The following AP3B1 variants were observed in gnomAD, a reference collection of about 807,000 sequenced individuals.
AP3B1 encodes the protein adaptor related protein complex 3 subunit beta 1, also known as AP-3 complex subunit beta-1.
Under a neutral mutation model 132.5 loss-of-function variants are expected in AP3B1, and 61 were observed. The ratio of observed to expected loss-of-function variants is 0.46; its 90% CI spans 0.37 to 0.57. AP3B1 has a LOEUF of 0.57. Ranked by LOEUF, AP3B1 falls within the 20% of genes least tolerant of loss-of-function variation. AP3B1 has a pLI of 0.00. For synonymous variants in AP3B1, 388 were observed against 438.3 expected, an observed-to-expected ratio of 0.89 and a Z score of 1.43; for missense variants, 1,120 against 1,289.4, an observed-to-expected ratio of 0.87 and a Z score of 2.01.
intron 26 of AP3B1, among the ~76,000 whole-genome samples, chr5:78,010,826 T>C (rs184996294): frequency 6.6e-6 from 1 of 152,280 alleles, no homozygotes; most frequent in Admixed American, 6.5e-5. Flanking sequence ...TTTACTAGTA[T>C]TGTCTTAAGT....
In AP3B1 at chr5:78,175,802, A is replaced by G. The variant is rs1356038305; in HGVS notation, c.1077T>C (p.Thr359=). The G allele has an allele frequency of 1.2e-6, 2 of 1,612,262 alleles. No individual in the cohort carries two copies. The highest frequency in any genetic ancestry group is 1.7e-6 in the Non-Finnish European group (2 of 1,179,248). ...TACATACCTTTCTTTGAATTGACAT[A>G]GTTGCTATATTTTGTAGGACAATAT... ...VQYIVLQNIA[T]MSIQRKGMFE... Residue 359 remains threonine, a synonymous_variant, in exon 10 of 27, where the codon ACT becomes ACC. Coordinates refer to ENST00000255194, the MANE Select transcript of AP3B1 (RefSeq NM_003664.5).
At chr5:78,230,879 A>C (rs34125774) in intron 3 of AP3B1, among the ~76,000 whole-genome samples, 50,702 of 151,946 alleles carry the variant, frequency 0.33, 8,563 homozygotes, top group Middle Eastern at 0.43. Flanking sequence ...GCACTTTGGG[A>C]GGCTGAGACG....
chr5:78,154,603 AT>A (rs1170118642), intron 14 of AP3B1, among the ~76,000 whole-genome samples: 1 of 151,656 alleles, frequency 6.6e-6, no homozygotes, highest in East Asian at 1.9e-4. Flanking sequence ...TTTTGAGACT[AT>A]TTTCTAGATC....
In AP3B1 at chr5:78,020,697, T is replaced by G. The variant is rs746992047; in HGVS notation, c.2987A>C (p.Glu996Ala). The G allele has an allele frequency of 1.2e-6, 2 of 1,609,964 alleles. No homozygotes were observed. The highest frequency in any genetic ancestry group is 2.2e-5 in the South Asian group (2 of 90,994). ...AAGTTGTAGACATCTCTCACCTTGCTCTTTCTTAAAATCTTTCTCTGACAT... is the reference window on the plus strand; with the variant it reads ...AAGTTGTAGACATCTCTCACCTTGCGCTTTCTTAAAATCTTTCTCTGACAT... ...VAMSEKDFKKEQGVLTGMNET... is the reference protein window; with the variant it reads ...VAMSEKDFKKAQGVLTGMNET... The change falls in exon 25 of 27, where the codon GAG becomes GCG. Residue 996 changes from glutamate to alanine, a missense_variant. Transcript: ENST00000255194.
At chr5:78,166,160 C>A in intron 11 of AP3B1, among the ~76,000 whole-genome samples, 1 of 98,614 alleles carries the variant, frequency 1.0e-5, no homozygotes, top group Non-Finnish European at 2.4e-5. Flanking sequence ...CACACACACA[C>A]ACACACACAC....
intron 13 of AP3B1, among the ~76,000 whole-genome samples, chr5:78,158,640 C>T (rs955838571): frequency 2.6e-5 from 4 of 151,668 alleles, no homozygotes; most frequent in Non-Finnish European, 5.9e-5. Flanking sequence ...AGAATTCAAA[C>T]TCAGAACTAG....
At position 78,165,469 on chromosome 5, in the gene AP3B1, A is replaced by T. The variant is rs142691456; in HGVS notation, c.1230+141T>A. ...AATTGTAATTAGTTTATTCTTGCAAATTTATGAATTTCTTAGTTGTCAGTC... is the reference window on the plus strand; with the variant it reads ...AATTGTAATTAGTTTATTCTTGCAATTTTATGAATTTCTTAGTTGTCAGTC... On this transcript the variant is annotated intron_variant, in intron 12 of 26. Transcript: ENST00000255194. 220 of 643,526 alleles carry T rather than the reference A, an allele frequency of 3.4e-4. 3 individuals are homozygous for T. The African/African-American group carries it at 3.8e-3, about 11-fold the overall frequency. The allele number at this position is 643,526 out of a possible 1,614,324, so 39.9% of individuals were successfully genotyped here. A position where few individuals can be genotyped will look rare whatever the true frequency, so the allele number is the denominator to read the frequency against.
At chr5:78,211,679 G>T (rs1459652472) in intron 7 of AP3B1, among the ~76,000 whole-genome samples, 1 of 152,236 alleles carries the variant, frequency 6.6e-6, no homozygotes, top group African/African-American at 2.4e-5. Context: ...ATGGTTGTTA[G>T]CTAATTGCAT....
At chr5:78,118,253 G>A (rs1001161342) in intron 17 of AP3B1, among the ~76,000 whole-genome samples, 9 of 152,092 alleles carry the variant, frequency 5.9e-5, no homozygotes, top group African/African-American at 1.2e-4. Context: ...AGCTCCCAGC[G>A]TGAGCGACGC....
In AP3B1 at chr5:78,204,835, C is replaced by A. The variant is rs973187853; in HGVS notation, c.786+11220G>T. 2.0e-5 allele frequency among the ~76,000 whole-genome samples: 3 copies of A among 152,184 alleles called. No individual in the cohort carries two copies. In the East Asian group the frequency reaches 5.8e-4, roughly 29 times the overall value. On this transcript the variant is annotated intron_variant, in intron 7 of 26. Transcript: ENST00000255194. ...TAAGTTTAAATGCCACAAATCTTTTCTCCTGAGTTTCAGGCCCCATTTTCT... is the reference window on the plus strand; with the variant it reads ...TAAGTTTAAATGCCACAAATCTTTTATCCTGAGTTTCAGGCCCCATTTTCT...
At chr5:78,091,055 G>A (rs1185420752) in intron 21 of AP3B1, among the ~76,000 whole-genome samples, 3 of 151,784 alleles carry the variant, frequency 2.0e-5, no homozygotes, top group South Asian at 2.1e-4. Context: ...CCAAACTGCT[G>A]GGATTACAGG....
chr5:78,182,441 C>T (rs766158434), intron 7 of AP3B1, among the ~76,000 whole-genome samples: 1 of 152,188 alleles, frequency 6.6e-6, no homozygotes, highest in Non-Finnish European at 1.5e-5. Flanking sequence ...AAAAGCAGAA[C>T]ACTACATGTA....
intron 13 of AP3B1, among the ~76,000 whole-genome samples, chr5:78,160,493 A>G (rs993261684): frequency 6.6e-6 from 1 of 152,132 alleles, no homozygotes; most frequent in African/African-American, 2.4e-5. Flanking sequence ...GTCTGCTTAG[A>G]AAGGCTCTTA....
chr5:78,117,328 G>A (rs78561074), intron 17 of AP3B1, among the ~76,000 whole-genome samples: 4 of 107,960 alleles, frequency 3.7e-5, no homozygotes, highest in Non-Finnish European at 5.8e-5. Flanking sequence ...TTTTTTTTTT[G>A]AGACGGAGTC....
chr5:78,088,435 G>A (rs1318275434), intron 22 of AP3B1, among the ~76,000 whole-genome samples: 1 of 152,114 alleles, frequency 6.6e-6, no homozygotes, highest in Admixed American at 6.5e-5. Flanking sequence ...GAACAGAAAT[G>A]CAGATAGCTT....
intron 22 of AP3B1, among the ~76,000 whole-genome samples, chr5:78,063,026 C>T (rs1212299152): frequency 1.3e-5 from 2 of 152,136 alleles, no homozygotes; most frequent in Non-Finnish European, 2.9e-5. Context: ...TTATCAACTG[C>T]CCACACCAAA....
intron 22 of AP3B1, among the ~76,000 whole-genome samples, chr5:78,057,215 A>G (rs1442090923): frequency 6.6e-6 from 1 of 152,146 alleles, no homozygotes; most frequent in Admixed American, 6.5e-5. Context: ...CTCTCCATCC[A>G]ATTTATGGCA....
At chr5:78,009,018 C>T (rs1191718012) in intron 26 of AP3B1, among the ~76,000 whole-genome samples, 1 of 151,896 alleles carries the variant, frequency 6.6e-6, no homozygotes, top group Non-Finnish European at 1.5e-5. Flanking sequence ...CAAAGGTCTC[C>T]AAAAAAATAC....
At chr5:78,139,032 G>C (rs946377471) in intron 15 of AP3B1, among the ~76,000 whole-genome samples, 1 of 87,632 alleles carries the variant, frequency 1.1e-5, no homozygotes, top group African/African-American at 4.5e-5. Context: ...TAATAATAGA[G>C]ATCAAGAAAA....
Sources: allele counts gnomAD v4.1 joint callset (sites outside exome capture counted in the v4.1 genomes callset), GRCh38; gene constraint gnomAD v4.1.1; transcripts MANE v1.5; gene names NCBI Gene and HGNC (gene_info 2026-07-23, HGNC 2026-07-21).